Variants in ENDOD1 observed in about 807,000 individuals in gnomAD.
ENDOD1 encodes endonuclease domain containing 1, also known as endonuclease domain-containing 1 protein.
A neutral mutation model predicts 6.5 loss-of-function variants in ENDOD1; 9 were observed. That is an observed-to-expected ratio of 1.39 (90% CI 0.84 to 2.43). The LOEUF (loss-of-function observed/expected upper bound fraction) is 2.43, where lower values mean the gene tolerates loss of function less well. Among genes scored for constraint, ENDOD1 ranks in the 30% most tolerant of loss-of-function variants. The pLI is 0.00. For missense variants in ENDOD1, 648 were observed against 635.5 expected, an observed-to-expected ratio of 1.02 and a Z score of -0.21; for synonymous variants, 255 against 255.2, an observed-to-expected ratio of 1.00 and a Z score of 0.01.
At chr11:95,123,442 TG>T (rs1859281864) in intron 1 of ENDOD1, among the ~76,000 whole-genome samples, 1 of 151,948 alleles carries the variant, frequency 6.6e-6, no homozygotes, top group Non-Finnish European at 1.5e-5. Flanking sequence ...ACGTGGCCAA[TG>T]TGATTTAGGA....
intron 1 of ENDOD1, among the ~76,000 whole-genome samples, chr11:95,110,547 CA>C (rs1201039358): frequency 6.6e-6 from 1 of 151,696 alleles, no homozygotes; most frequent in South Asian, 2.1e-4. Context: ...TTCTCTCTGA[CA>C]ACTCTTTTTT....
intron 1 of ENDOD1, among the ~76,000 whole-genome samples, chr11:95,097,164 A>AAAAAAAAG (rs1555110412): frequency 1.3e-5 from 2 of 151,710 alleles, no homozygotes; most frequent in African/African-American, 2.4e-5. Flanking sequence ...CAAAAAAAAA[A>AAAAAAAAG]AAAAGGCATA....
At chr11:95,097,993 G>A (rs1483046304) in intron 1 of ENDOD1, among the ~76,000 whole-genome samples, 1 of 151,750 alleles carries the variant, frequency 6.6e-6, no homozygotes, top group African/African-American at 2.4e-5. Context: ...TCAGTTTGAA[G>A]ATTTTTTTTT....
At chr11:95,100,242 T>C (rs935094203) in intron 1 of ENDOD1, among the ~76,000 whole-genome samples, 10 of 152,170 alleles carry the variant, frequency 6.6e-5, no homozygotes, top group Admixed American at 4.6e-4. Flanking sequence ...TCTAAGTCTC[T>C]GCAAGACAGC....
chr11:95,105,061 A>G (rs566238012), intron 1 of ENDOD1, among the ~76,000 whole-genome samples: 3 of 152,314 alleles, frequency 2.0e-5, no homozygotes, highest in South Asian at 4.1e-4. Flanking sequence ...AGTGTTAGAA[A>G]TACTTGGTTG....
intron 1 of ENDOD1, among the ~76,000 whole-genome samples, chr11:95,106,555 G>T (rs1859090979): frequency 6.6e-6 from 1 of 152,194 alleles, no homozygotes; most frequent in Admixed American, 6.5e-5. Context: ...AAAGGAATAT[G>T]CATAGCAAAA....
intron 1 of ENDOD1, among the ~76,000 whole-genome samples, chr11:95,099,349 C>T (rs1859015520): frequency 6.6e-6 from 1 of 152,186 alleles, no homozygotes; most frequent in African/African-American, 2.4e-5. Context: ...GACATTGCTG[C>T]CAGACAGGCT....
At chr11:95,109,908 G>A (rs1243643025) in intron 1 of ENDOD1, among the ~76,000 whole-genome samples, 2 of 152,242 alleles carry the variant, frequency 1.3e-5, no homozygotes, top group Non-Finnish European at 2.9e-5. Context: ...TGTTTGCAGG[G>A]ACAAGGCTGC....
intron 1 of ENDOD1, among the ~76,000 whole-genome samples, chr11:95,105,107 T>G (rs906933214): frequency 6.6e-6 from 1 of 152,204 alleles, no homozygotes; most frequent in African/African-American, 2.4e-5. Flanking sequence ...AGTTGAGCCT[T>G]GGAAAAGATT....
rs1047565091 is a variant in ENDOD1, at chr11:95,130,056, T to A, written c.*477T>A. ...ATTTCTTGGCATTTGCTTCTCTTTC[T>A]CCTCAACTCGACTGACCTTGGTGGA... On this transcript the variant is annotated 3_prime_UTR_variant, in exon 2 of 2. Coordinates refer to ENST00000278505, the MANE Select transcript of ENDOD1 (RefSeq NM_015036.3). 1 of 154,120 alleles carries A rather than the reference T, an allele frequency of 6.5e-6. No homozygotes were observed. The highest frequency in any genetic ancestry group is 1.4e-5 in the Non-Finnish European group (1 of 69,390). The allele number at this position is 154,120 out of a possible 1,614,324, so 9.5% of individuals were successfully genotyped here.
chr11:95,101,703 T>C (rs1437254923), intron 1 of ENDOD1, among the ~76,000 whole-genome samples: 1 of 152,202 alleles, frequency 6.6e-6, no homozygotes, highest in African/African-American at 2.4e-5. Context: ...TCATAACTTT[T>C]ATTCTAGTTC....
At chr11:95,100,712 G>T (rs1859030447) in intron 1 of ENDOD1, among the ~76,000 whole-genome samples, 1 of 151,584 alleles carries the variant, frequency 6.6e-6, no homozygotes, top group African/African-American at 2.4e-5. Flanking sequence ...GCCCAGGCTG[G>T]TCTCAAATTT....
At chr11:95,111,152 G>A (rs1859146107) in intron 1 of ENDOD1, among the ~76,000 whole-genome samples, 1 of 152,044 alleles carries the variant, frequency 6.6e-6, no homozygotes, top group Non-Finnish European at 1.5e-5. Context: ...ACTCCCTATG[G>A]CAAATCTGCA....
rs987698800 is a variant in ENDOD1 at position 95,128,435 on chromosome 11, C to T, written c.359C>T (p.Ser120Phe). Residue 120 changes from serine to phenylalanine, a missense_variant, in exon 2 of 2, where the codon TCT becomes TTT. Coordinates refer to ENST00000278505, the MANE Select transcript of ENDOD1 (RefSeq NM_015036.3). Reference protein sequence around the residue: ...EAINEAEAITSVNSLGSKQAL... With the variant: ...EAINEAEAITFVNSLGSKQAL... ...ATTAATGAGGCAGAGGCCATCACCT[C>T]TGTGAACAGCCTGGGAAGCAAGCAA... is the stretch of plus-strand genomic sequence containing the variant. 6.2e-7 allele frequency: 1 copy of T among 1,614,078 alleles called. No homozygotes were observed. The highest frequency in any genetic ancestry group is 8.5e-7 in the Non-Finnish European group (1 of 1,180,030).
chr11:95,121,995 C>A (rs902377314), intron 1 of ENDOD1, among the ~76,000 whole-genome samples: 5 of 152,134 alleles, frequency 3.3e-5, no homozygotes, highest in African/African-American at 1.2e-4. Context: ...TGCAAATGAG[C>A]AGGTATAATC....
At chr11:95,120,812 G>A (rs1859255953) in intron 1 of ENDOD1, among the ~76,000 whole-genome samples, 1 of 152,178 alleles carries the variant, frequency 6.6e-6, no homozygotes, top group Non-Finnish European at 1.5e-5. Context: ...TTAGCCTACA[G>A]TGGCGAGGCT....
intron 1 of ENDOD1, among the ~76,000 whole-genome samples, chr11:95,108,935 C>A (rs781943741): frequency 6.6e-6 from 1 of 152,172 alleles, no homozygotes; most frequent in Non-Finnish European, 1.5e-5. Context: ...GCTGCACCCA[C>A]GATCTTTTCT....
At chr11:95,099,472 C>T (rs532966249) in intron 1 of ENDOD1, among the ~76,000 whole-genome samples, 45 of 152,326 alleles carry the variant, frequency 3.0e-4, no homozygotes, top group Non-Finnish European at 4.1e-4. Flanking sequence ...TCCAGAGCTC[C>T]GCTCCTTGAG....
chr11:95,117,068 T>G lies in ENDOD1; in HGVS notation c.301-11309T>G, dbSNP rs147749842. On this transcript the variant is annotated intron_variant, in intron 1 of 1. Coordinates refer to ENST00000278505, the MANE Select transcript of ENDOD1 (RefSeq NM_015036.3). ...TGCTGAAAGTGGTGTGTAGAAATCT[T>G]TAGCTATTGTTGTATTGAGGTGTAT... Among the ~76,000 whole-genome samples the G allele has an allele frequency of 1.4e-4, 21 of 152,350 alleles. 1 individual carries two copies. The highest frequency in any genetic ancestry group is 4.6e-4 in the African/African-American group (19 of 41,572).
Sources: allele counts gnomAD v4.1 joint callset (sites outside exome capture counted in the v4.1 genomes callset), GRCh38; gene constraint gnomAD v4.1.1; transcripts MANE v1.5; gene names NCBI Gene and HGNC (gene_info 2026-07-23, HGNC 2026-07-21).